Variants in GYG1 observed in about 807,000 individuals in gnomAD.
The protein encoded by GYG1 is glycogenin-1.
A neutral mutation model predicts 41.9 loss-of-function variants in GYG1; 44 were observed. That is an observed-to-expected ratio of 1.05 (90% CI 0.83 to 1.35). GYG1 has a LOEUF of 1.35. Ranked by LOEUF, GYG1 falls within the 40% of genes most tolerant of loss-of-function variation. The probability of loss-of-function intolerance (pLI) is 0.00; values close to 1 mark genes in which losing one functional copy is unlikely to be tolerated. For missense variants in GYG1, 429 were observed against 418.9 expected, an observed-to-expected ratio of 1.02 and a Z score of -0.21; for synonymous variants, 141 against 158.1, an observed-to-expected ratio of 0.89 and a Z score of 0.81.
At chr3:149,007,279 G>C (rs73011307) in intron 4 of GYG1, among the ~76,000 whole-genome samples, 1 of 152,200 alleles carries the variant, frequency 6.6e-6, no homozygotes, top group African/African-American at 2.4e-5. Flanking sequence ...CAACTTTGGG[G>C]TTAGGATTTC....
Position 148,994,151 on chromosome 3 carries a change from T to C in GYG1, c.17T>C (p.Phe6Ser), listed in dbSNP as rs746880872. 1 of 1,612,986 alleles carries C rather than the reference T, an allele frequency of 6.2e-7. No individual in the cohort carries two copies. Among genetic ancestry groups the C allele is most frequent in the East Asian group, 2.2e-5 (1 of 44,852 alleles). ...TTTTCTTTGTATTAAGATCAGGCCT[T>C]TGTGACACTAACCACAAACGATGCC... MTDQA[F>S]VTLTTNDAYA... is the part of the protein sequence containing the mutation. Residue 6 changes from phenylalanine to serine, a missense_variant, in exon 2 of 8, where the codon TTT (phenylalanine) becomes TCT (serine). Transcript: ENST00000345003.
At chr3:149,014,270 G>C (rs1050827021) in intron 5 of GYG1, among the ~76,000 whole-genome samples, 3 of 152,270 alleles carry the variant, frequency 2.0e-5, no homozygotes, top group South Asian at 2.1e-4. Flanking sequence ...TCTGTCCTCA[G>C]ATCTCACTGC....
intron 5 of GYG1, among the ~76,000 whole-genome samples, chr3:149,012,657 C>T (rs1713797786): frequency 6.6e-6 from 1 of 151,886 alleles, no homozygotes; most frequent in Non-Finnish European, 1.5e-5. Context: ...AGGAAACAAA[C>T]TAATAGTTTT....
intron 2 of GYG1, 128 bp downstream of exon 2, chr3:148,994,405 T>C: frequency 2.0e-6 from 2 of 980,726 alleles, no homozygotes; most frequent in Non-Finnish European, 3.3e-6. Context: ...AAATGAGAGA[T>C]GCTGAGTGCA....
At chr3:149,012,203 A>G (rs984415671) in intron 5 of GYG1, among the ~76,000 whole-genome samples, 1 of 151,928 alleles carries the variant, frequency 6.6e-6, no homozygotes, top group African/African-American at 2.4e-5. Context: ...AAAGTAACCC[A>G]TTACAAGCAT....
intron 4 of GYG1, among the ~76,000 whole-genome samples, chr3:149,005,945 C>T (rs1713377766): frequency 6.6e-6 from 1 of 152,074 alleles, no homozygotes; most frequent in Admixed American, 6.6e-5. Flanking sequence ...TATATGTATT[C>T]CCTTTTCTGT....
intron 1 of GYG1, among the ~76,000 whole-genome samples, chr3:148,993,681 T>C (rs1265233292): frequency 6.6e-6 from 1 of 152,200 alleles, no homozygotes. Context: ...AGGCATGGCA[T>C]AAACGTAAGC....
At chr3:149,022,148 C>G (rs1347657090) in intron 5 of GYG1, among the ~76,000 whole-genome samples, 2 of 152,168 alleles carry the variant, frequency 1.3e-5, no homozygotes, top group African/African-American at 4.8e-5. Context: ...TTCCTGAGCA[C>G]CCACTGTTCC....
rs776294715 is a variant in GYG1 at position 149,024,149 on chromosome 3, C to T, written c.705C>T (p.Ala235=). 90 of 1,613,510 alleles carry T rather than the reference C, an allele frequency of 5.6e-5. No homozygotes were observed. Among genetic ancestry groups the T allele is most frequent in the Non-Finnish European group, 7.5e-5 (88 of 1,179,470 alleles). ...AAACAAAAAGTGTCAAAAGTGAGGC[C>T]CATGATCCCAACATGACTCATCCAG... ...DPKTKSVKSE[A]HDPNMTHPEF... Residue 235 remains alanine, a synonymous_variant, in exon 6 of 8, where the codon GCC becomes GCT. Coordinates refer to ENST00000345003, the MANE Select transcript of GYG1 (RefSeq NM_004130.4).
Position 149,024,135 on chromosome 3 carries a change from G to A in GYG1, c.691G>A (p.Val231Ile). Residue 231 changes from valine to isoleucine, a missense_variant, in exon 6 of 8, where the codon GTC (valine) becomes ATC (isoleucine). Coordinates refer to ENST00000345003, the MANE Select transcript of GYG1 (RefSeq NM_004130.4). Reference protein sequence around the residue: ...NYTYDPKTKSVKSEAHDPNMT... With the variant: ...NYTYDPKTKSIKSEAHDPNMT... ...TACTTATGATCCCAAAACAAAAAGTGTCAAAAGTGAGGCCCATGATCCCAA... is the reference window on the plus strand; with the variant it reads ...TACTTATGATCCCAAAACAAAAAGTATCAAAAGTGAGGCCCATGATCCCAA... 1 of 1,614,002 alleles carries A rather than the reference G, an allele frequency of 6.2e-7. No individual in the cohort carries two copies. The highest frequency in any genetic ancestry group is 8.5e-7 in the Non-Finnish European group (1 of 1,179,864).
At chr3:148,992,003 G>A (rs531659990) in intron 1 of GYG1, among the ~76,000 whole-genome samples, 1 of 152,264 alleles carries the variant, frequency 6.6e-6, no homozygotes, top group East Asian at 1.9e-4. Flanking sequence ...GGTTCCAGGC[G>A]GGAGTCCGGG....
chr3:148,996,424 G>A lies in GYG1; in HGVS notation c.266G>A (p.Cys89Tyr), dbSNP rs1712792644. 1 of 1,613,862 alleles carries A rather than the reference G, an allele frequency of 6.2e-7. No individual in the cohort carries two copies. The highest frequency in any genetic ancestry group is 1.3e-5 in the African/African-American group (1 of 74,934). The change falls in exon 3 of 8, where the codon TGC (cysteine) becomes TAC (tyrosine). Residue 89 changes from cysteine (C) to tyrosine (Y), a missense_variant. Physicochemically the swap from Cys to Tyr is radical, Grantham distance 194. Transcript: ENST00000345003. Reference protein sequence around the residue: ...ELGVTLTKLHCWSLTQYSKCV... With the variant: ...ELGVTLTKLHYWSLTQYSKCV... ...GGTGTCACGCTGACAAAGCTCCACT[G>A]CTGGTCGCTTACACAGTATTCAAAA...
intron 5 of GYG1, among the ~76,000 whole-genome samples, chr3:149,013,818 C>T (rs576020514): frequency 3.9e-5 from 6 of 152,188 alleles, no homozygotes; most frequent in East Asian, 1.9e-4. Flanking sequence ...CAACTCTCCA[C>T]GTAACTATTG....
chr3:149,002,973 C>T (rs898402126), intron 4 of GYG1, among the ~76,000 whole-genome samples: 3 of 151,986 alleles, frequency 2.0e-5, no homozygotes, highest in African/African-American at 4.8e-5. Flanking sequence ...AGCTGAGGTA[C>T]GCCACTGCAC....
intron 5 of GYG1, among the ~76,000 whole-genome samples, chr3:149,009,734 G>A (rs1478233602): frequency 6.6e-6 from 1 of 152,172 alleles, no homozygotes; most frequent in African/African-American, 2.4e-5. Flanking sequence ...CTGAGTTTGT[G>A]CCCTAACTCA....
chr3:149,020,583 A>G (rs1009302309), intron 5 of GYG1, among the ~76,000 whole-genome samples: 4 of 152,264 alleles, frequency 2.6e-5, no homozygotes, highest in African/African-American at 9.6e-5. Context: ...TGCCTGCGAC[A>G]TATGAATACT....
chr3:149,009,089 G>A, intron 4 of GYG1, 187 bp from the exon 5 acceptor site: 2 of 533,228 alleles, frequency 3.8e-6, no homozygotes, highest in Admixed American at 3.2e-5. Flanking sequence ...AACCCAGGAG[G>A]CAGAGGTTGC....
intron 5 of GYG1, among the ~76,000 whole-genome samples, chr3:149,013,391 G>A (rs1009826666): frequency 5.3e-5 from 8 of 151,980 alleles, no homozygotes; most frequent in African/African-American, 1.2e-4. Flanking sequence ...CTGACTAAAC[G>A]CTCTCTAGGA....
chr3:148,996,250 C>A, intron 2 of GYG1, 52 bp from the exon 3 acceptor site: 1 of 1,302,930 alleles, frequency 7.7e-7, no homozygotes, highest in South Asian at 1.2e-5. Flanking sequence ...GCAGATGGGT[C>A]ACTTGTTCTG....
Sources: gnomAD v4.1 joint callset for allele counts (sites outside exome capture counted in the v4.1 genomes callset) on GRCh38, gnomAD v4.1.1 for gene constraint, MANE v1.5 for transcripts, NCBI Gene and HGNC (gene_info 2026-07-23, HGNC 2026-07-21) for gene names.